LOC400499: variants seen among roughly 807,000 people sequenced by gnomAD.
the LOC400499 span, among the ~76,000 whole-genome samples, chr16:11,386,684 GCATTT>G: frequency 6.6e-6 from 1 of 152,220 alleles, no homozygotes; most frequent in Non-Finnish European, 1.5e-5. Flanking sequence ...TGGCCACACA[GCATTT>G]CATGGTGGAG....
chr16:11,495,507 C>G, the LOC400499 span, among the ~76,000 whole-genome samples: 1 of 151,988 alleles, frequency 6.6e-6, no homozygotes, highest in African/African-American at 2.4e-5. Context: ...CAGCCTCCCA[C>G]GTAGCTGAGA....
chr16:11,389,555 C>T, the LOC400499 span, among the ~76,000 whole-genome samples: 10 of 151,922 alleles, frequency 6.6e-5, no homozygotes, highest in South Asian at 2.1e-4. Context: ...GGATGGCACG[C>T]GCACCTGTAG....
At chr16:11,470,539 G>C in the LOC400499 span, 1 of 152,182 alleles carries the variant, frequency 6.6e-6, no homozygotes, top group Admixed American at 6.5e-5. Flanking sequence ...TCGGTCTCTT[G>C]TTGGGGAAGT....
the LOC400499 span, chr16:11,407,312 T>TG: frequency 2.5e-6 from 1 of 398,606 alleles, no homozygotes; most frequent in Non-Finnish European, 4.4e-6. Flanking sequence ...GAACATGCTC[T>TG]GAACCTCACC....
At chr16:11,376,943 T>TTC in the LOC400499 span, among the ~76,000 whole-genome samples, 2 of 148,736 alleles carry the variant, frequency 1.3e-5, no homozygotes, top group East Asian at 2.0e-4. Context: ...TAAATGGACT[T>TTC]TTTTTTTTTT....
At chr16:11,406,227 G>A in the LOC400499 span, among the ~76,000 whole-genome samples, 1 of 152,114 alleles carries the variant, frequency 6.6e-6, no homozygotes, top group Admixed American at 6.6e-5. Context: ...ATGTCCATGT[G>A]TATTCAATGT....
chr16:11,500,511 A>AAATAATAATAATAAGAAT, the LOC400499 span, among the ~76,000 whole-genome samples: 1 of 143,882 alleles, frequency 7.0e-6, no homozygotes, highest in Non-Finnish European at 1.5e-5. Context: ...ACTCCGTCCT[A>AAATAATAATAATAAGAAT]AATAATAATA....
the LOC400499 span, among the ~76,000 whole-genome samples, chr16:11,524,471 C>T: frequency 1.3e-5 from 2 of 151,020 alleles, no homozygotes; most frequent in African/African-American, 4.9e-5. Flanking sequence ...GCTCCAGAGT[C>T]CCCAGCCATA....
the LOC400499 span, among the ~76,000 whole-genome samples, chr16:11,455,358 A>T: frequency 6.6e-6 from 1 of 152,212 alleles, no homozygotes; most frequent in Non-Finnish European, 1.5e-5. Context: ...AAATAACAGC[A>T]TGATTATATT....
the LOC400499 span, among the ~76,000 whole-genome samples, chr16:11,405,789 G>C: frequency 6.6e-5 from 10 of 152,290 alleles, 1 homozygote; most frequent in East Asian, 1.7e-3. Context: ...AGAGGGATCT[G>C]AAATCATCAT....
chr16:11,504,655 G>C, the LOC400499 span, among the ~76,000 whole-genome samples: 2 of 152,098 alleles, frequency 1.3e-5, no homozygotes, highest in East Asian at 3.9e-4. Flanking sequence ...GGGTGCAGTG[G>C]CTCATGCCTG....
the LOC400499 span, among the ~76,000 whole-genome samples, chr16:11,378,614 T>A: frequency 6.6e-6 from 1 of 152,224 alleles, no homozygotes; most frequent in Non-Finnish European, 1.5e-5. Context: ...CTCATAGCAC[T>A]GCTTTTGCTG....
the LOC400499 span, chr16:11,521,991 A>T: frequency 2.5e-6 from 1 of 399,228 alleles, no homozygotes; most frequent in African/African-American, 2.1e-5. Flanking sequence ...CATCAAGGAC[A>T]GCCAAGCCTT....
chr16:11,383,190 T>G, the LOC400499 span, among the ~76,000 whole-genome samples: 1 of 151,884 alleles, frequency 6.6e-6, no homozygotes, highest in African/African-American at 2.4e-5. Flanking sequence ...CTCAGCCTCC[T>G]GAGTAGCTGG....
the LOC400499 span, among the ~76,000 whole-genome samples, chr16:11,443,921 G>A: frequency 2.0e-5 from 3 of 151,384 alleles, no homozygotes; most frequent in Non-Finnish European, 2.9e-5. Flanking sequence ...CGTAACGTCT[G>A]CCTCCCAGTT....
chr16:11,462,790 T>G, the LOC400499 span, among the ~76,000 whole-genome samples: 1 of 152,144 alleles, frequency 6.6e-6, no homozygotes, highest in Non-Finnish European at 1.5e-5. Context: ...CAGACATAAA[T>G]GTAAGGGACT....
chr16:11,432,758 G>C, the LOC400499 span, among the ~76,000 whole-genome samples: 19 of 152,284 alleles, frequency 1.2e-4, no homozygotes, highest in South Asian at 3.7e-3. Flanking sequence ...GCATTTCGTG[G>C]TGCACAGCTG....
the LOC400499 span, chr16:11,465,122 C>T: frequency 6.6e-6 from 1 of 152,200 alleles, no homozygotes; most frequent in Admixed American, 6.6e-5. Flanking sequence ...CGAAGGTGCC[C>T]AGCAATCATG....
At chr16:11,519,308 GATGAGGACTTGGATATCCCACTGTCACC>G in the LOC400499 span, among the ~76,000 whole-genome samples, 1 of 152,234 alleles carries the variant, frequency 6.6e-6, no homozygotes, top group Non-Finnish European at 1.5e-5. Context: ...CTTTGCCCAT[GATGAGGACTTGGATATCCCACTGTCACC>G]ATGGGGTGTG....
Sources: allele counts gnomAD v4.1 joint callset (sites outside exome capture counted in the v4.1 genomes callset), GRCh38; gene constraint gnomAD v4.1.1; transcripts MANE v1.5.